The following GTF2A1L variants were observed in gnomAD, a reference collection of about 807,000 sequenced individuals.
The protein encoded by GTF2A1L is general transcription factor IIA subunit 1 like.
A neutral mutation model predicts 49.7 loss-of-function variants in GTF2A1L; 48 were observed. The ratio of observed to expected loss-of-function variants is 0.97; its 90% confidence interval spans 0.77 to 1.23. The LOEUF is 1.23. GTF2A1L is among the 50% of genes most tolerant of loss of function. The probability of loss-of-function intolerance (pLI) is 0.00; values close to 1 mark genes in which losing one functional copy is unlikely to be tolerated. For synonymous variants in GTF2A1L, 246 were observed against 193.5 expected (o/e 1.27, Z -2.25); for missense variants, 736 against 564.8 (o/e 1.30, Z -3.07).
chr2:48,653,948 C>G (rs550092239), intron 6 of GTF2A1L, among the ~76,000 whole-genome samples: 2 of 115,972 alleles, frequency 1.7e-5, no homozygotes, highest in African/African-American at 6.9e-5. Context: ...AAAAAAGAAA[C>G]AGCCCCGAAA....
At chr2:48,676,984 G>A (rs1679502649) in intron 8 of GTF2A1L, among the ~76,000 whole-genome samples, 2 of 149,578 alleles carry the variant, frequency 1.3e-5, no homozygotes, top group East Asian at 2.0e-4. Flanking sequence ...AATCTATTTC[G>A]TCCCTAATGT....
intron 3 of GTF2A1L, among the ~76,000 whole-genome samples, chr2:48,621,501 T>C (rs2103113): frequency 0.56 from 85,566 of 152,082 alleles, 24,893 homozygotes; most frequent in East Asian, 0.94. Flanking sequence ...ATTTTAAATA[T>C]TAAATTTTAC....
intron 5 of GTF2A1L, among the ~76,000 whole-genome samples, chr2:48,645,490 C>A (rs1279360239): frequency 6.6e-6 from 1 of 152,132 alleles, no homozygotes. Context: ...CCTTTGCCCC[C>A]TTTCTTATTA....
At position 48,654,141 on chromosome 2, in the gene GTF2A1L, A is replaced by G. The variant is rs573500457; in HGVS notation, c.978+7099A>G. ...GTATAAGATTTGTTGTTGGTACACCACATCCTTGGTAGTTAACACTATCTT... is the reference window on the plus strand; with the variant it reads ...GTATAAGATTTGTTGTTGGTACACCGCATCCTTGGTAGTTAACACTATCTT... On this transcript the variant is annotated intron_variant, in intron 6 of 8. Coordinates refer to ENST00000403751, the MANE Select transcript of GTF2A1L (RefSeq NM_006872.5). Among the ~76,000 whole-genome samples the G allele has an allele frequency of 9.9e-5, 15 of 152,224 alleles. No individual in the cohort carries two copies. The South Asian group carries it at 2.9e-3, about 30-fold the overall frequency.
intron 6 of GTF2A1L, among the ~76,000 whole-genome samples, chr2:48,647,646 G>A (rs1677602172): frequency 6.6e-6 from 1 of 150,784 alleles, no homozygotes; most frequent in Admixed American, 6.6e-5. Context: ...TTCCCTACAT[G>A]AGGGATTATG....
chr2:48,641,796 G>A (rs1677211126), intron 3 of GTF2A1L, among the ~76,000 whole-genome samples: 1 of 152,104 alleles, frequency 6.6e-6, no homozygotes, highest in African/African-American at 2.4e-5. Context: ...AAGATATATG[G>A]GACTGTAGGT....
intron 4 of GTF2A1L, among the ~76,000 whole-genome samples, chr2:48,644,758 G>A (rs1256942619): frequency 6.6e-6 from 1 of 152,126 alleles, no homozygotes; most frequent in Non-Finnish European, 1.5e-5. Flanking sequence ...GCAAAGCTAT[G>A]TCTTGGGCAA....
chr2:48,648,416 C>G (rs927240155), intron 6 of GTF2A1L, among the ~76,000 whole-genome samples: 1 of 151,940 alleles, frequency 6.6e-6, no homozygotes, highest in African/African-American at 2.4e-5. Context: ...TGTGATGAGT[C>G]AAGGACTTAT....
rs1205242924 is a variant in GTF2A1L, at chr2:48,646,842, G to A, written c.778G>A (p.Val260Met). The A allele has an allele frequency of 3.1e-6, 5 of 1,614,058 alleles. No homozygotes were observed. In the South Asian group the frequency reaches 3.3e-5, roughly 11 times the overall value. Reference protein sequence around the residue: ...SPQVSQTNSNVESVLSGSASM... With the variant: ...SPQVSQTNSNMESVLSGSASM... ...ACAGGTCTCTCAAACAAATTCTAAT[G>A]TGGAGTCAGTGCTCAGTGGTTCAGC... is the stretch of plus-strand genomic sequence containing the variant. Residue 260 changes from valine (V) to methionine (M), a missense_variant, in exon 6 of 9, where the codon GTG becomes ATG. Val to Met is a conservative substitution (Grantham distance 21). Transcript: ENST00000403751.
chr2:48,666,584 G>GGTGTGTGTGT (rs113492704), intron 6 of GTF2A1L, among the ~76,000 whole-genome samples: 1 of 147,046 alleles, frequency 6.8e-6, no homozygotes, highest in Non-Finnish European at 1.5e-5. Context: ...AACTTGTCAG[G>GGTGTGTGTGT]GTGTGTGTGT....
intron 3 of GTF2A1L, among the ~76,000 whole-genome samples, chr2:48,635,599 C>A: frequency 6.6e-6 from 1 of 152,132 alleles, no homozygotes; most frequent in East Asian, 1.9e-4. Context: ...TCTCCTCCCA[C>A]TCCAGGCTTG....
intron 3 of GTF2A1L, among the ~76,000 whole-genome samples, chr2:48,624,831 A>C (rs1381526371): frequency 7.0e-6 from 1 of 142,980 alleles, no homozygotes; most frequent in African/African-American, 2.5e-5. Context: ...TATTTCACTT[A>C]GTATAATGTC....
At chr2:48,678,942 T>TGGTTACAGGG (rs1463426686) in intron 8 of GTF2A1L, among the ~76,000 whole-genome samples, 1 of 152,034 alleles carries the variant, frequency 6.6e-6, no homozygotes, top group African/African-American at 2.4e-5. Context: ...CTTACCTTCT[T>TGGTTACAGGG]CAAGTTTTTG....
intron 3 of GTF2A1L, among the ~76,000 whole-genome samples, chr2:48,636,205 C>T (rs1180133583): frequency 6.6e-6 from 1 of 152,026 alleles, no homozygotes; most frequent in Non-Finnish European, 1.5e-5. Context: ...AATCTGCCAC[C>T]TGAGGAAAAA....
chr2:48,664,647 G>T (rs1572764525), intron 6 of GTF2A1L, among the ~76,000 whole-genome samples: 1 of 152,034 alleles, frequency 6.6e-6, no homozygotes, highest in African/African-American at 2.4e-5. Context: ...ATTTTTCCTT[G>T]TGGGAAGGTT....
chr2:48,623,463 T>G (rs1286276266), intron 3 of GTF2A1L, among the ~76,000 whole-genome samples: 1 of 152,220 alleles, frequency 6.6e-6, no homozygotes, highest in Non-Finnish European at 1.5e-5. Flanking sequence ...GGACCACTTA[T>G]GCACTGTTGG....
At chr2:48,636,457 G>A (rs183089589) in intron 3 of GTF2A1L, among the ~76,000 whole-genome samples, 2 of 152,218 alleles carry the variant, frequency 1.3e-5, no homozygotes, top group Admixed American at 1.3e-4. Context: ...ACTGTGAGTA[G>A]CAATTGAGAA....
chr2:48,621,479 G>A (rs1403283766), intron 3 of GTF2A1L, among the ~76,000 whole-genome samples, 189 bp downstream of exon 3: 5 of 152,084 alleles, frequency 3.3e-5, no homozygotes, highest in East Asian at 1.9e-4. Context: ...CAGGTTATTC[G>A]AACTAGTTTT....
At chr2:48,669,422 A>G (rs547914808) in intron 6 of GTF2A1L, among the ~76,000 whole-genome samples, 2 of 152,330 alleles carry the variant, frequency 1.3e-5, no homozygotes, top group Admixed American at 1.3e-4. Flanking sequence ...CCTAATAGGT[A>G]CTATATAAAT....
Sources: gnomAD v4.1 joint callset for allele counts (sites outside exome capture counted in the v4.1 genomes callset) on GRCh38, gnomAD v4.1.1 for gene constraint, MANE v1.5 for transcripts, NCBI Gene and HGNC (gene_info 2026-07-23, HGNC 2026-07-21) for gene names.